Variants in TIPIN observed in about 807,000 individuals in gnomAD.
TIPIN encodes TIMELESS interacting protein.
A neutral mutation model predicts 35.6 loss-of-function variants in TIPIN; 29 were observed. That is an observed-to-expected ratio of 0.82 (90% CI 0.61 to 1.11). The LOEUF is 1.11. Among genes scored for constraint, TIPIN ranks in the 50% most tolerant of loss-of-function variants. TIPIN has a pLI of 0.00. For missense variants in TIPIN, 296 were observed against 345.4 expected (o/e 0.86, Z 1.13); for synonymous variants, 102 against 121.5 (o/e 0.84, Z 1.06).
intron 1 of TIPIN, among the ~76,000 whole-genome samples, chr15:66,354,086 C>T (rs897944043): frequency 2.0e-5 from 3 of 152,136 alleles, no homozygotes; most frequent in Non-Finnish European, 2.9e-5. Flanking sequence ...TCTTCTACCC[C>T]GGCCATTAAG....
intron 1 of TIPIN, chr15:66,379,388 C>A: frequency 3.8e-6 from 6 of 1,599,778 alleles, no homozygotes; most frequent in East Asian, 2.2e-5. Flanking sequence ...AGATACCATT[C>A]AAAAATTTCC....
intron 1 of TIPIN, among the ~76,000 whole-genome samples, chr15:66,378,642 T>C (rs1288615210): frequency 1.3e-5 from 2 of 152,142 alleles, no homozygotes; most frequent in Non-Finnish European, 2.9e-5. Flanking sequence ...CAAATGTTTT[T>C]CTCATTCCAA....
chr15:66,379,650 C>A (rs1039623057), intron 1 of TIPIN: 6 of 1,610,174 alleles, frequency 3.7e-6, no homozygotes, highest in Non-Finnish European at 5.1e-6. Context: ...CATCTTGTAA[C>A]GGAAGCCCAG....
intron 1 of TIPIN, among the ~76,000 whole-genome samples, chr15:66,374,930 G>C (rs565391642): frequency 6.6e-6 from 1 of 152,120 alleles, no homozygotes; most frequent in Admixed American, 6.6e-5. Flanking sequence ...GGATGGTCTC[G>C]AACTCCTGAC....
At chr15:66,345,055 A>C (rs1376382072) in intron 6 of TIPIN, among the ~76,000 whole-genome samples, 1 of 152,156 alleles carries the variant, frequency 6.6e-6, no homozygotes, top group African/African-American at 2.4e-5. Context: ...TAAAAATTAA[A>C]GGGAAACAAG....
At chr15:66,360,772 G>A (rs1205733073), upstream of TIPIN, among the ~76,000 whole-genome samples, 1 of 152,178 alleles carries the variant, frequency 6.6e-6, no homozygotes, top group Non-Finnish European at 1.5e-5. Flanking sequence ...TTCAAGACCA[G>A]CCTGGCCAAC....
rs1343682122 is a variant in TIPIN at position 66,339,146 on chromosome 15, AAAAAAAAAAAAG to A, written c.683-1977_683-1966del. 5.4e-5 allele frequency among the ~76,000 whole-genome samples: 3 copies of A among 55,580 alleles called. No homozygotes were observed. In the Admixed American group the frequency reaches 5.7e-4, roughly 10 times the overall value. 36.5% of individuals were successfully genotyped at this position (55,580 alleles called of 152,430 possible). ...GACTCCATCTCAAAAAAAAAAAAAA[AAAAAAAAAAAAG>A]CAAAAAGAAAAAGTAAATTCATCTT... On this transcript the variant is annotated intron_variant, in intron 7 of 7. Transcript: ENST00000261881.
At chr15:66,366,597 C>CAA (rs757848258) in intron 1 of TIPIN, among the ~76,000 whole-genome samples, 21,609 of 91,948 alleles carry the variant, frequency 0.24, 2,656 homozygotes, top group Non-Finnish European at 0.28. Context: ...ACTAAATATA[C>CAA]AAAAAAAAAA....
At position 66,337,025 on chromosome 15, in the gene TIPIN, T is replaced by A; in HGVS notation, c.839A>T (p.Asp280Val). 1 of 1,614,090 alleles carries A rather than the reference T, an allele frequency of 6.2e-7. No homozygotes were observed. The highest frequency in any genetic ancestry group is 8.5e-7 in the Non-Finnish European group (1 of 1,180,008). ...CTGTTGCACATTTTTAAAAGACTGG[T>A]CCAGCAGTGTTTCCTCTTCATTTAA... ...NTLNEEETLL[D>V]QSFKNVQQQL... The change falls in exon 8 of 8, where the codon GAC becomes GTC. Residue 280 changes from aspartate to valine, a missense_variant. By Grantham distance (152) the Asp-to-Val change is radical. Coordinates refer to ENST00000261881, the MANE Select transcript of TIPIN (RefSeq NM_017858.3).
chr15:66,347,017 G>A (rs915897086), intron 6 of TIPIN, among the ~76,000 whole-genome samples: 37 of 151,990 alleles, frequency 2.4e-4, no homozygotes, highest in Admixed American at 1.9e-3. Flanking sequence ...GGATGGTCTC[G>A]ATCTCCTGAC....
chr15:66,382,515 C>T (rs1182241260), intron 1 of TIPIN, among the ~76,000 whole-genome samples: 1 of 152,142 alleles, frequency 6.6e-6, no homozygotes, highest in Non-Finnish European at 1.5e-5. Context: ...GCTGGGACTG[C>T]AGGCATGTGC....
Position 66,342,563 on chromosome 15 carries a change from C to T in TIPIN, c.476-1207G>A, listed in dbSNP as rs145967403. ...ATTTTTAGTAGAGACAGGGTTTCAC[C>T]GTATTGGCCAGGCTGGTCTCAAATT... On this transcript the variant is annotated intron_variant, in intron 6 of 7. Transcript: ENST00000261881. Among the ~76,000 whole-genome samples the T allele has an allele frequency of 1.1e-4, 17 of 152,062 alleles. No individual in the cohort carries two copies. The East Asian group carries it at 1.4e-3, about 12-fold the overall frequency.
In TIPIN at chr15:66,337,028, A is replaced by T. The variant is rs1481378193; in HGVS notation, c.836T>A (p.Leu279Gln). 2 of 1,614,128 alleles carry T rather than the reference A, an allele frequency of 1.2e-6. No individual in the cohort carries two copies. Among genetic ancestry groups the T allele is most frequent in the Non-Finnish European group, 1.7e-6 (2 of 1,180,012 alleles). The part of the protein sequence containing the change: ...ANTLNEEETL[L>Q]DQSFKNVQQQ... ...TTGCACATTTTTAAAAGACTGGTCC[A>T]GCAGTGTTTCCTCTTCATTTAAAGT... Residue 279 changes from leucine (L) to glutamine (Q), a missense_variant, in exon 8 of 8, where the codon CTG becomes CAG. Transcript: ENST00000261881.
chr15:66,338,745 C>G (rs953066061), intron 7 of TIPIN, among the ~76,000 whole-genome samples: 2 of 126,738 alleles, frequency 1.6e-5, no homozygotes, highest in Non-Finnish European at 3.1e-5. Flanking sequence ...ACACGGGAGG[C>G]GGGGCTTGCA....
chr15:66,337,773 AAT>A (rs1329029612), intron 7 of TIPIN, among the ~76,000 whole-genome samples: 2 of 60,312 alleles, frequency 3.3e-5, no homozygotes. Context: ...CATCAAAAAA[AAT>A]AAAATAAAAA....
chr15:66,378,468 T>C (rs1308179444), intron 1 of TIPIN, among the ~76,000 whole-genome samples: 1 of 152,150 alleles, frequency 6.6e-6, no homozygotes, highest in Admixed American at 6.6e-5. Context: ...AAATTAGACT[T>C]TTATTATATT....
chr15:66,341,483 T>G, intron 6 of TIPIN, 127 bp from the exon 7 acceptor site: 1 of 8,036 alleles, frequency 1.2e-4, no homozygotes, highest in South Asian at 0.062. Context: ...ATAAGAATGT[T>G]GTGGGCCGGG....
At chr15:66,366,591 A>T (rs976523054) in intron 1 of TIPIN, among the ~76,000 whole-genome samples, 6 of 125,246 alleles carry the variant, frequency 4.8e-5, no homozygotes, top group African/African-American at 1.7e-4. Flanking sequence ...GTCTCTACTA[A>T]ATATACAAAA....
chr15:66,346,247 CTTAAT>C (rs1314047990), intron 6 of TIPIN, among the ~76,000 whole-genome samples: 3 of 146,648 alleles, frequency 2.0e-5, no homozygotes, highest in Non-Finnish European at 4.5e-5. Context: ...TGCGCCTGGC[CTTAAT>C]TTATCTTTTT....
Sources: gnomAD v4.1 joint callset for allele counts (sites outside exome capture counted in the v4.1 genomes callset) on GRCh38, gnomAD v4.1.1 for gene constraint, MANE v1.5 for transcripts, NCBI Gene and HGNC (gene_info 2026-07-23, HGNC 2026-07-21) for gene names.